The following DPP6 variants were observed in gnomAD, a reference collection of about 807,000 sequenced individuals.
DPP6 encodes the protein A-type potassium channel modulatory protein DPP6.
DPP6 carries 69 observed loss-of-function variants against 122.6 expected under a neutral mutation model. That is an observed-to-expected ratio of 0.56 (90% CI 0.46 to 0.69). The LOEUF (loss-of-function observed/expected upper bound fraction) is 0.69. Among genes scored for constraint, DPP6 ranks in the 30% least tolerant of loss-of-function variants. DPP6 has a pLI of 0.00. For synonymous variants in DPP6, 418 were observed against 433.1 expected, an observed-to-expected ratio of 0.97 and a Z score of 0.43; for missense variants, 928 against 1,116.9, an observed-to-expected ratio of 0.83 and a Z score of 2.41.
intron 2 of DPP6, among the ~76,000 whole-genome samples, chr7:154,454,187 T>C (rs902735509): frequency 5.9e-5 from 9 of 152,328 alleles, no homozygotes; most frequent in African/African-American, 1.7e-4. Context: ...GTTCTGGTAT[T>C]GTTCATTTGC....
chr7:153,909,174 G>A (rs540855627), intron 1 of DPP6, among the ~76,000 whole-genome samples: 109 of 152,254 alleles, frequency 7.2e-4, no homozygotes, highest in African/African-American at 2.4e-3. Context: ...TACAGATCTT[G>A]GATGATCTTG....
At chr7:154,127,427 G>A (rs553607704) in intron 1 of DPP6, among the ~76,000 whole-genome samples, 1 of 152,106 alleles carries the variant, frequency 6.6e-6, no homozygotes, top group East Asian at 1.9e-4. Context: ...ACTTGCACTG[G>A]AGAAGACTTC....
intron 1 of DPP6, among the ~76,000 whole-genome samples, chr7:153,944,840 A>T (rs1269105450): frequency 1.3e-5 from 2 of 152,010 alleles, no homozygotes; most frequent in African/African-American, 4.8e-5. Context: ...CATGTTAACC[A>T]GGCTGGTCTC....
At chr7:154,451,648 G>T (rs1013345707) in intron 2 of DPP6, among the ~76,000 whole-genome samples, 2 of 152,202 alleles carry the variant, frequency 1.3e-5, no homozygotes, top group Admixed American at 6.5e-5. Context: ...GGATGCAGTT[G>T]CTGGGAACTC....
chr7:154,536,935 T>G (rs1406590531), intron 3 of DPP6, among the ~76,000 whole-genome samples: 1 of 152,178 alleles, frequency 6.6e-6, no homozygotes, highest in African/African-American at 2.4e-5. Flanking sequence ...CATTTCCCAG[T>G]GAATTAAGGC....
chr7:154,476,858 G>A (rs535049991), intron 3 of DPP6, among the ~76,000 whole-genome samples: 3 of 152,244 alleles, frequency 2.0e-5, no homozygotes, highest in East Asian at 1.9e-4. Flanking sequence ...TTGGGAAGCC[G>A]AGGCAGGCAG....
chr7:154,641,181 G>C (rs1385677527), intron 6 of DPP6, among the ~76,000 whole-genome samples: 1 of 152,076 alleles, frequency 6.6e-6, no homozygotes, highest in African/African-American at 2.4e-5. Flanking sequence ...AGTTCTTTCT[G>C]TGTGGAAGGT....
chr7:154,540,857 A>C (rs1828670761), intron 4 of DPP6, among the ~76,000 whole-genome samples: 1 of 152,184 alleles, frequency 6.6e-6, no homozygotes, highest in African/African-American at 2.4e-5. Flanking sequence ...AGGTGTTGGG[A>C]ACAAGTGTTG....
chr7:154,889,764 A>G, intron 25 of DPP6: 2 of 641,988 alleles, frequency 3.1e-6, no homozygotes, highest in Non-Finnish European at 5.0e-6. Context: ...TAGGACAACC[A>G]TCTCCCCGTA....
At chr7:154,419,696 C>A (rs542184921) in intron 1 of DPP6, among the ~76,000 whole-genome samples, 3 of 152,254 alleles carry the variant, frequency 2.0e-5, no homozygotes, top group African/African-American at 7.2e-5. Flanking sequence ...GAGAACAGCC[C>A]TCGAATTTTG....
rs190613079 is a variant in DPP6 at position 153,955,690 on chromosome 7, C to T, written c.51+67956C>T. Among the ~76,000 whole-genome samples, 25 of 152,244 alleles carry T rather than the reference C, an allele frequency of 1.6e-4. No individual in the cohort carries two copies. In the East Asian group the frequency reaches 3.9e-3, roughly 24 times the overall value. On this transcript the variant is annotated intron_variant, in intron 1 of 25. Transcript: ENST00000404039. ...CTGAGCTCAGGCGATCCACCCACCT[C>T]GGCCTCCAAAAGTGCTGGGATTACA... is the stretch of plus-strand genomic sequence containing the variant.
At chr7:154,263,018 G>A (rs1803139662) in intron 1 of DPP6, among the ~76,000 whole-genome samples, 1 of 152,208 alleles carries the variant, frequency 6.6e-6, no homozygotes, top group Non-Finnish European at 1.5e-5. Flanking sequence ...AGGAATTATA[G>A]CGTTACTGAC....
chr7:154,709,356 GTTT>G (rs1841022611), intron 7 of DPP6, among the ~76,000 whole-genome samples: 1 of 145,692 alleles, frequency 6.9e-6, no homozygotes, highest in Admixed American at 6.8e-5. Context: ...ATTTTTTAAT[GTTT>G]TGTTGTTGTT....
intron 1 of DPP6, among the ~76,000 whole-genome samples, chr7:154,137,495 T>C (rs1222939533): frequency 6.6e-6 from 1 of 151,378 alleles, no homozygotes; most frequent in East Asian, 1.9e-4. Context: ...CTATAAAAAA[T>C]TGGAATCTGT....
chr7:154,748,557 T>C (rs1587010707), intron 8 of DPP6, among the ~76,000 whole-genome samples: 1 of 152,156 alleles, frequency 6.6e-6, no homozygotes, highest in African/African-American at 2.4e-5. Context: ...AATAACTTAA[T>C]GAAAAACCCC....
chr7:154,841,632 G>A (rs540709697), intron 16 of DPP6, among the ~76,000 whole-genome samples: 1 of 151,850 alleles, frequency 6.6e-6, no homozygotes, highest in South Asian at 2.1e-4. Context: ...TATTCAAAAT[G>A]CCTATCATGA....
chr7:154,092,767 G>C (rs1804954087), intron 1 of DPP6: 2 of 151,970 alleles, frequency 1.3e-5, no homozygotes, highest in African/African-American at 2.4e-5. Context: ...GATTTTTTCG[G>C]ACTATATTCA....
chr7:154,840,171 C>T (rs1453461316), intron 16 of DPP6, among the ~76,000 whole-genome samples: 2 of 152,178 alleles, frequency 1.3e-5, no homozygotes, highest in African/African-American at 4.8e-5. Context: ...TGGGTCAGCC[C>T]ACCTGGTCAT....
intron 7 of DPP6, among the ~76,000 whole-genome samples, chr7:154,702,962 A>G (rs975471551): frequency 2.0e-5 from 3 of 152,262 alleles, no homozygotes; most frequent in African/African-American, 7.2e-5. Context: ...GGGTTGAAGT[A>G]GCTGGTGACT....
Sources: gnomAD v4.1 joint callset for allele counts (sites outside exome capture counted in the v4.1 genomes callset) on GRCh38, gnomAD v4.1.1 for gene constraint, MANE v1.5 for transcripts, NCBI Gene and HGNC (gene_info 2026-07-23, HGNC 2026-07-21) for gene names.